The following STRBP variants were observed in gnomAD, a reference collection of about 807,000 sequenced individuals.
The protein encoded by STRBP is spermatid perinuclear RNA binding protein.
In STRBP, 13 loss-of-function variants were observed where a neutral mutation model predicts 80.1. The observed-to-expected ratio is 0.16, with a 90% CI of 0.11 to 0.26. STRBP has a LOEUF of 0.26. Among genes scored for constraint, STRBP ranks in the 10% least tolerant of loss-of-function variants. STRBP has a pLI of 1.00. For synonymous variants in STRBP, 284 were observed against 291.2 expected (o/e 0.98, Z 0.25); for missense variants, 485 against 815.2 (o/e 0.59, Z 4.93).
intron 2 of STRBP, among the ~76,000 whole-genome samples, chr9:123,187,699 T>A (rs905155934): frequency 6.6e-6 from 1 of 152,140 alleles, no homozygotes; most frequent in African/African-American, 2.4e-5. Flanking sequence ...AGCTTTAGGT[T>A]TATAGAAAAG....
intron 4 of STRBP, among the ~76,000 whole-genome samples, 160 bp from the exon 5 acceptor site, chr9:123,174,002 A>G (rs571269304): frequency 5.3e-5 from 8 of 152,268 alleles, no homozygotes; most frequent in Non-Finnish European, 8.8e-5. Context: ...TGAGGCTTAT[A>G]AAGTATCTAT....
chr9:123,192,621 A>T (rs1221923840), intron 2 of STRBP, among the ~76,000 whole-genome samples: 1 of 152,226 alleles, frequency 6.6e-6, no homozygotes, highest in Non-Finnish European at 1.5e-5. Flanking sequence ...GGGATAGTGC[A>T]TAGGAACAGG....
chr9:123,231,354 C>A (rs985359919), intron 2 of STRBP, among the ~76,000 whole-genome samples: 3 of 152,198 alleles, frequency 2.0e-5, no homozygotes, highest in Non-Finnish European at 2.9e-5. Context: ...TCAGTATCTT[C>A]TTTCCCAAAC....
chr9:123,120,644 A>T (rs1386917652), downstream of STRBP, among the ~76,000 whole-genome samples: 2 of 152,142 alleles, frequency 1.3e-5, no homozygotes, highest in Non-Finnish European at 2.9e-5. Flanking sequence ...AAACTTTCTC[A>T]TCTGTCATTA....
chr9:123,251,774 C>A (rs967649412), intron 1 of STRBP, among the ~76,000 whole-genome samples: 3 of 152,232 alleles, frequency 2.0e-5, no homozygotes, highest in Middle Eastern at 6.8e-3. Flanking sequence ...AATTATTAGG[C>A]TAAGATATAG....
At chr9:123,216,697 T>C (rs1326428911) in intron 2 of STRBP, among the ~76,000 whole-genome samples, 5 of 152,228 alleles carry the variant, frequency 3.3e-5, no homozygotes, top group Admixed American at 1.3e-4. Context: ...CAAACACTGC[T>C]ACGATATCAT....
intron 12 of STRBP, among the ~76,000 whole-genome samples, chr9:123,147,310 CAAAA>C (rs1180884256): frequency 6.6e-6 from 1 of 152,048 alleles, no homozygotes; most frequent in Non-Finnish European, 1.5e-5. Context: ...AGCTTGGAAA[CAAAA>C]AAGTTATCCA....
chr9:123,113,102 C>T (rs2035593560), intron 3 of STRBP: 1 of 167,200 alleles, frequency 6.0e-6, no homozygotes, highest in Non-Finnish European at 1.5e-5. Flanking sequence ...GGCCTCTCTT[C>T]CCCACTCTAA....
At chr9:123,176,721 C>T (rs1352292286) in intron 4 of STRBP, among the ~76,000 whole-genome samples, 2 of 152,104 alleles carry the variant, frequency 1.3e-5, no homozygotes, top group African/African-American at 4.8e-5. Flanking sequence ...TAGAAGACAG[C>T]ATGATTGAGC....
chr9:123,188,245 C>T (rs937765498), intron 2 of STRBP, among the ~76,000 whole-genome samples: 1 of 151,996 alleles, frequency 6.6e-6, no homozygotes, highest in Admixed American at 6.6e-5. Context: ...ATGGATATAC[C>T]ACAATTTATC....
At chr9:123,168,211 A>G (rs1321045310) in intron 6 of STRBP, 1 of 983,492 alleles carries the variant, frequency 1.0e-6, no homozygotes, top group Non-Finnish European at 1.2e-6. Flanking sequence ...TTATCTTGAC[A>G]CTTCAGAAAT....
chr9:123,223,795 C>T (rs1365609089), intron 2 of STRBP, among the ~76,000 whole-genome samples: 1 of 151,876 alleles, frequency 6.6e-6, no homozygotes, highest in Non-Finnish European at 1.5e-5. Context: ...TATTTATATT[C>T]ATATATGTGC....
At chr9:123,111,217 C>G (rs896951824) in intron 3 of STRBP, 5 of 172,164 alleles carry the variant, frequency 2.9e-5, no homozygotes, top group African/African-American at 9.7e-5. Context: ...CTCGGAAATG[C>G]GTGTGTCTGG....
chr9:123,146,897 T>G lies in STRBP; in HGVS notation c.1296A>C (p.Ser432=), dbSNP rs761900488. The change falls in exon 13 of 19, where the codon TCA becomes TCC. Residue 432 remains serine (S), a synonymous_variant. Coordinates refer to ENST00000348403, the MANE Select transcript of STRBP (RefSeq NM_018387.5). The stretch of plus-strand genomic sequence containing the variant: ...GTTTTGCTGTTTTCTTGGATGGTCC[T>G]GAGGCTTCATATGTTGTGCCATCCA... The part of the protein sequence containing the change: ...VDVDGTTYEA[S]GPSKKTAKLH... 2.5e-6 allele frequency: 4 copies of G among 1,614,094 alleles called. No homozygotes were observed. Among genetic ancestry groups the G allele is most frequent in the South Asian group, 1.1e-5 (1 of 91,070 alleles).
chr9:123,184,596 A>G (rs900512167), intron 2 of STRBP, among the ~76,000 whole-genome samples: 3 of 152,208 alleles, frequency 2.0e-5, no homozygotes, highest in Non-Finnish European at 4.4e-5. Context: ...TGAAAGAGTA[A>G]TACTACCACT....
chr9:123,125,041 C>CA lies in STRBP; in HGVS notation c.*555dup. 1.0e-6 allele frequency: 1 copy of CA among 985,294 alleles called. No homozygotes were observed. Among genetic ancestry groups the CA allele is most frequent in the Non-Finnish European group, 1.2e-6 (1 of 829,434 alleles). The allele number at this position is 985,294 out of a possible 1,614,324, so 61.0% of individuals were successfully genotyped here. A position where few individuals can be genotyped will look rare whatever the true frequency, so the allele number is the denominator to read the frequency against. On this transcript the variant is annotated 3_prime_UTR_variant, in exon 19 of 19. Transcript: ENST00000348403. ...AAAAATAATAAGCTAAAACAATATT[C>CA]AAACCCATATTTTATTGGCTTTATT...
chr9:123,210,450 G>GA (rs1215860861), intron 2 of STRBP, among the ~76,000 whole-genome samples: 4 of 150,456 alleles, frequency 2.7e-5, no homozygotes, highest in Non-Finnish European at 4.4e-5. Context: ...AGTAGGATAA[G>GA]AAAAAAACAG....
chr9:123,137,475 T>C (rs2036406955), intron 14 of STRBP, among the ~76,000 whole-genome samples: 1 of 152,180 alleles, frequency 6.6e-6, no homozygotes, highest in South Asian at 2.1e-4. Context: ...AGTGGTGCAA[T>C]CTCGGCTCAC....
chr9:123,231,983 C>T (rs2040411253), intron 2 of STRBP, among the ~76,000 whole-genome samples: 1 of 152,180 alleles, frequency 6.6e-6, no homozygotes. Context: ...AATATCCTTC[C>T]TTCCCACTGT....
Sources: allele counts gnomAD v4.1 joint callset (sites outside exome capture counted in the v4.1 genomes callset), GRCh38; gene constraint gnomAD v4.1.1; transcripts MANE v1.5; gene names NCBI Gene and HGNC (gene_info 2026-07-23, HGNC 2026-07-21).